The following EYA3 variants were observed in gnomAD, a reference collection of about 807,000 sequenced individuals.
EYA3 encodes protein phosphatase EYA3.
EYA3 carries 39 observed loss-of-function variants against 80.0 expected under a neutral mutation model. The observed-to-expected ratio is 0.49, with a 90% CI of 0.38 to 0.64. EYA3 has a LOEUF of 0.64. Among genes scored for constraint, EYA3 ranks in the 30% least tolerant of loss-of-function variants. EYA3 has a pLI of 0.00. For synonymous variants in EYA3, 206 were observed against 232.8 expected (o/e 0.88, Z 1.05); for missense variants, 523 against 676.1 (o/e 0.77, Z 2.51).
At chr1:28,014,510 A>C (rs1557569652) in intron 8 of EYA3, among the ~76,000 whole-genome samples, 1 of 151,126 alleles carries the variant, frequency 6.6e-6, no homozygotes, top group Non-Finnish European at 1.5e-5. Context: ...GGCAGATCAC[A>C]TGAGGTCAGG....
chr1:28,070,056 C>T (rs1425109814), intron 1 of EYA3, among the ~76,000 whole-genome samples: 1 of 152,144 alleles, frequency 6.6e-6, no homozygotes, highest in African/African-American at 2.4e-5. Flanking sequence ...TTCTGGCCTC[C>T]AGAAGTGAAA....
intron 6 of EYA3, among the ~76,000 whole-genome samples, chr1:28,028,490 G>GA (rs1032193699): frequency 6.7e-6 from 1 of 149,668 alleles, no homozygotes. Context: ...ACATAATTTA[G>GA]AAAAAAAATA....
At chr1:28,021,178 GTCTT>G (rs1461792469) in intron 7 of EYA3, among the ~76,000 whole-genome samples, 8 of 152,136 alleles carry the variant, frequency 5.3e-5, no homozygotes, top group African/African-American at 1.2e-4. Context: ...TGCTCACACT[GTCTT>G]TCTTTAAGTT....
intron 1 of EYA3, among the ~76,000 whole-genome samples, chr1:28,073,536 G>C (rs1010513963): frequency 1.3e-5 from 2 of 151,902 alleles, no homozygotes; most frequent in Non-Finnish European, 2.9e-5. Flanking sequence ...CTGACCTCAA[G>C]TAATCCAACT....
At chr1:27,993,169 A>G (rs942860736) in intron 14 of EYA3, among the ~76,000 whole-genome samples, 2 of 152,240 alleles carry the variant, frequency 1.3e-5, no homozygotes, top group African/African-American at 2.4e-5. Context: ...GCATTTGTCC[A>G]AAGACAACAA....
intron 5 of EYA3, among the ~76,000 whole-genome samples, chr1:28,036,824 A>G (rs1383766178): frequency 6.6e-6 from 1 of 152,214 alleles, no homozygotes; most frequent in Non-Finnish European, 1.5e-5. Flanking sequence ...ATAATAAAAT[A>G]TAGCAGGGGG....
Position 27,971,942 on chromosome 1 carries a change from G to A in EYA3, c.*2524C>T, listed in dbSNP as rs1638750378. On this transcript the variant is annotated 3_prime_UTR_variant, in exon 18 of 18. Transcript: ENST00000373871. ...ACCAGGAATGAGCAAAGACTGCTCT[G>A]CTCAGCCTCCTTACCTCTCTTGGCC... 6.6e-6 allele frequency: 1 copy of A among 152,210 alleles called. No individual in the cohort carries two copies. The highest frequency in any genetic ancestry group is 2.4e-5 in the African/African-American group (1 of 41,428). 9.4% of individuals were successfully genotyped at this position (152,210 alleles called of 1,614,324 possible). A position where few individuals can be genotyped will look rare whatever the true frequency, so the allele number is the denominator to read the frequency against.
At position 27,989,023 on chromosome 1, in the gene EYA3, T is replaced by G. The variant is rs1467163106; in HGVS notation, c.1419-367A>C. ...AAGCTCTGAGCTGTACTCTTTCATC[T>G]GAATGCAAGTCAGTCCATAAATGAG... On this transcript the variant is annotated intron_variant, in intron 15 of 17. Transcript: ENST00000373871. 2.0e-5 allele frequency among the ~76,000 whole-genome samples: 3 copies of G among 152,252 alleles called. No homozygotes were observed. The East Asian group carries it at 5.8e-4, about 29-fold the overall frequency.
At chr1:28,045,217 G>T (rs1176431765) in intron 3 of EYA3, among the ~76,000 whole-genome samples, 1 of 152,146 alleles carries the variant, frequency 6.6e-6, no homozygotes, top group Non-Finnish European at 1.5e-5. Context: ...ATGTGATTAT[G>T]GAAATTGAAG....
chr1:28,024,636 G>A (rs932834292), intron 7 of EYA3, among the ~76,000 whole-genome samples: 1 of 152,074 alleles, frequency 6.6e-6, no homozygotes. Flanking sequence ...CAGCCTGGGC[G>A]ACAGAGCAAG....
At chr1:28,011,135 G>A in intron 9 of EYA3, 49 bp from the exon 10 acceptor site, 1 of 1,586,256 alleles carries the variant, frequency 6.3e-7, no homozygotes, top group East Asian at 2.2e-5. Context: ...CAGGCTATAA[G>A]AATCAGGGCA....
intron 10 of EYA3, among the ~76,000 whole-genome samples, chr1:28,005,671 C>G (rs1007600532): frequency 6.6e-6 from 1 of 151,440 alleles, no homozygotes; most frequent in African/African-American, 2.4e-5. Context: ...GCAGGGACCA[C>G]ACCACTGCAC....
intron 13 of EYA3, among the ~76,000 whole-genome samples, chr1:27,994,070 A>G (rs1201875781): frequency 2.0e-5 from 3 of 152,230 alleles, no homozygotes. Context: ...AAATATATCT[A>G]CAAATTCTTT....
intron 3 of EYA3, among the ~76,000 whole-genome samples, chr1:28,044,736 GT>G (rs536675473): frequency 6.6e-6 from 1 of 151,566 alleles, no homozygotes; most frequent in Non-Finnish European, 1.5e-5. Flanking sequence ...TATAATAAGG[GT>G]TTTTTTTAAA....
At chr1:28,073,488 C>T (rs189462605) in intron 1 of EYA3, among the ~76,000 whole-genome samples, 73 of 151,112 alleles carry the variant, frequency 4.8e-4, no homozygotes, top group Non-Finnish European at 8.9e-4. Flanking sequence ...TTAGTAGAGA[C>T]AGCATTTCAC....
intron 1 of EYA3, among the ~76,000 whole-genome samples, chr1:28,069,834 T>C (rs944833636): frequency 2.0e-5 from 3 of 152,218 alleles, no homozygotes; most frequent in Non-Finnish European, 4.4e-5. Context: ...AGATTATACA[T>C]AGGCCCTAAA....
At chr1:28,064,286 A>G (rs61216784) in intron 1 of EYA3, among the ~76,000 whole-genome samples, 10,660 of 151,984 alleles carry the variant, frequency 0.07, 668 homozygotes, top group East Asian at 0.26. Context: ...TGTATGACTC[A>G]TGTGACAGAT....
rs745996850 is a variant in EYA3, at chr1:28,038,891, C to T, written c.172G>A (p.Asp58Asn). The change falls in exon 5 of 18, where the codon GAT becomes AAT. Residue 58 changes from aspartate to asparagine, a missense_variant. Asp to Asn is a conservative substitution (Grantham distance 23, BLOSUM62 1). This residue lies in a region of EYA3 where 304 missense variants were observed against 343.3 expected (regional missense o/e 0.89). Transcript: ENST00000373871. Reference sequence around the variant, plus strand: ...TCATTGGATGAGCGAGGGATGTAATCGGTGCATGTCATAACTGAAAGAAAG... The same window carrying T: ...TCATTGGATGAGCGAGGGATGTAATTGGTGCATGTCATAACTGAAAGAAAG... The part of the protein sequence containing the change: ...PMSEEIMTCT[D>N]YIPRSSNDYT... 3.1e-6 allele frequency: 5 copies of T among 1,595,560 alleles called. No homozygotes were observed. Among genetic ancestry groups the T allele is most frequent in the African/African-American group, 2.7e-5 (2 of 74,656 alleles).
chr1:27,991,872 A>G (rs1640090205), intron 14 of EYA3, among the ~76,000 whole-genome samples: 2 of 152,184 alleles, frequency 1.3e-5, no homozygotes, highest in Admixed American at 6.5e-5. Context: ...TTGGGCAGGG[A>G]AAAGATAAAG....
Sources: gnomAD v4.1 joint callset for allele counts (sites outside exome capture counted in the v4.1 genomes callset) on GRCh38, gnomAD v4.1.1 for gene constraint, gnomAD v4.1.1 regional missense constraint, MANE v1.5 for transcripts, NCBI Gene and HGNC (gene_info 2026-07-23, HGNC 2026-07-21) for gene names.